PREX1: variants seen among roughly 807,000 people sequenced by gnomAD.
The protein encoded by PREX1 is phosphatidylinositol 3,4,5-trisphosphate-dependent Rac exchanger 1 protein.
In PREX1, 41 loss-of-function variants were observed where a neutral mutation model predicts 198.3. The observed-to-expected ratio is 0.21, with a 90% CI of 0.16 to 0.27. The LOEUF is 0.27. Ranked by LOEUF, PREX1 falls within the 10% of genes least tolerant of loss-of-function variation. The pLI is 1.00. For missense variants in PREX1, 1,620 were observed against 2,200.7 expected (o/e 0.74, Z 5.28); for synonymous variants, 843 against 887.2 (o/e 0.95, Z 0.89).
At chr20:48,841,348 A>C in the PREX1 span, among the ~76,000 whole-genome samples, 1 of 152,234 alleles carries the variant, frequency 6.6e-6, no homozygotes, top group Admixed American at 6.5e-5. Context: ...CTGCTGTTGT[A>C]GCAATAAAGC....
Position 48,639,827 on chromosome 20 carries a change from G to A in PREX1, c.3843C>T (p.Asp1281=), listed in dbSNP as rs773198195. The change falls in exon 30 of 40, where the codon GAC becomes GAT. Residue 1281 remains aspartate (D), a synonymous_variant. Coordinates refer to ENST00000371941, the MANE Select transcript of PREX1 (RefSeq NM_020820.4). ...RSLIQISIQE[D]PWNLPNSIKT... ...TGATGGAGTTGGGGAGGTTCCAGGG[G>A]TCCTCCTGGATGCTAATCTGGATCA... 2 of 1,614,068 alleles carry A rather than the reference G, an allele frequency of 1.2e-6. No homozygotes were observed. The highest frequency in any genetic ancestry group is 1.7e-6 in the Non-Finnish European group (2 of 1,180,000).
Position 48,652,689 on chromosome 20 carries a change from G to C in PREX1, c.2364C>G (p.Ile788Met). The change falls in exon 21 of 40, where the codon ATC becomes ATG. Residue 788 changes from isoleucine (I) to methionine (M), a missense_variant. Ile to Met is a conservative substitution (Grantham distance 10, BLOSUM62 1). Transcript: ENST00000371941. ...CCTGGGCATCCTCATGGGTGTGGTA[G>C]ATCCACTGGTACAGGCCCTGCCAGA... ...REEALGLYQW[I>M]YHTHEDAQEA... 6.2e-7 allele frequency: 1 copy of C among 1,613,076 alleles called. No homozygotes were observed. The highest frequency in any genetic ancestry group is 1.1e-5 in the South Asian group (1 of 90,928).
intron 3 of PREX1, among the ~76,000 whole-genome samples, chr20:48,742,790 T>C (rs2090088355): frequency 6.6e-6 from 1 of 151,410 alleles, no homozygotes; most frequent in African/African-American, 2.4e-5. Flanking sequence ...AAGAGAGAGG[T>C]GAGAATAGCC....
At chr20:48,681,117 AGAAAACACGGCGGCTGCAC>A in intron 11 of PREX1, 99 bp downstream of exon 11, 1 of 901,550 alleles carries the variant, frequency 1.1e-6, no homozygotes. Context: ...CACTGTGCCC[AGAAAACACGGCGGCTGCAC>A]GAAAGGATAG....
chr20:48,706,089 T>C (rs1368213387), intron 6 of PREX1, among the ~76,000 whole-genome samples: 1 of 152,206 alleles, frequency 6.6e-6, no homozygotes, highest in African/African-American at 2.4e-5. Context: ...TTATTTCCTA[T>C]TGCATCCAGC....
At chr20:48,708,463 A>G (rs752869372) in intron 5 of PREX1, 42 bp from the exon 6 acceptor site, 3 of 1,605,716 alleles carry the variant, frequency 1.9e-6, no homozygotes, top group African/African-American at 1.3e-5. Context: ...CAAGACATCA[A>G]TCAATCCAGA....
intron 5 of PREX1, among the ~76,000 whole-genome samples, chr20:48,716,792 G>C (rs2089964331): frequency 6.6e-6 from 1 of 152,162 alleles, no homozygotes; most frequent in African/African-American, 2.4e-5. Flanking sequence ...GCTGGGAAAG[G>C]CATGCTCTCC....
chr20:48,748,457 A>G (rs913999932), intron 1 of PREX1, among the ~76,000 whole-genome samples: 2 of 151,528 alleles, frequency 1.3e-5, no homozygotes, highest in African/African-American at 4.9e-5. Flanking sequence ...AAACAAACAC[A>G]CACACATACA....
intron 3 of PREX1, among the ~76,000 whole-genome samples, chr20:48,744,510 T>C (rs2090098854): frequency 6.6e-6 from 1 of 152,204 alleles, no homozygotes; most frequent in Non-Finnish European, 1.5e-5. Context: ...TCTTCCAGCC[T>C]ACCACCCACA....
chr20:48,640,031 C>T (rs2122854430), intron 29 of PREX1, 137 bp from the exon 30 acceptor site: 2 of 1,192,492 alleles, frequency 1.7e-6, no homozygotes, highest in African/African-American at 1.5e-5. Context: ...GACTCCTGGG[C>T]ATTATCGGGT....
At chr20:48,641,929 AAGGGG>A (rs2089416543) in intron 29 of PREX1, among the ~76,000 whole-genome samples, 1 of 103,550 alleles carries the variant, frequency 9.7e-6, no homozygotes, top group Non-Finnish European at 1.9e-5. Flanking sequence ...GAGGGGAGGG[AAGGGG>A]AGGGGAGGGG....
intron 5 of PREX1, among the ~76,000 whole-genome samples, chr20:48,715,177 GTGCTTGCT>G (rs893753383): frequency 6.6e-6 from 1 of 152,178 alleles, no homozygotes; most frequent in Non-Finnish European, 1.5e-5. Flanking sequence ...AACCCAAGAG[GTGCTTGCT>G]TGCTTGCTTG....
At chr20:48,828,792 A>G (rs1056808323), upstream of PREX1, among the ~76,000 whole-genome samples, 3 of 152,194 alleles carry the variant, frequency 2.0e-5, no homozygotes, top group Non-Finnish European at 2.9e-5. Flanking sequence ...ATCAAGTGGC[A>G]GGTACCCTGC....
At chr20:48,630,880 C>A in intron 35 of PREX1, 86 bp from the exon 36 acceptor site, 2 of 1,003,096 alleles carry the variant, frequency 2.0e-6, no homozygotes, top group Non-Finnish European at 1.6e-6. Flanking sequence ...CTGCAGCCAC[C>A]GTGACTCCGC....
At chr20:48,692,900 G>A in intron 7 of PREX1, 110 bp from the exon 8 acceptor site, 1 of 899,098 alleles carries the variant, frequency 1.1e-6, no homozygotes, top group African/African-American at 1.6e-5. Context: ...GGGACAGAGA[G>A]GAGCCCCAGG....
At chr20:48,737,478 G>C (rs1160425205) in intron 3 of PREX1, among the ~76,000 whole-genome samples, 1 of 152,170 alleles carries the variant, frequency 6.6e-6, no homozygotes, top group African/African-American at 2.4e-5. Context: ...GCGGCCACTG[G>C]CAGAGAGCAG....
At chr20:48,881,313 T>G in the PREX1 span, among the ~76,000 whole-genome samples, 1 of 152,160 alleles carries the variant, frequency 6.6e-6, no homozygotes, top group Non-Finnish European at 1.5e-5. Context: ...CAGCAATAAA[T>G]CCTTTCCAAC....
In PREX1 at chr20:48,653,324, G is replaced by C. The variant is rs1250350754; in HGVS notation, c.2346+37C>G. ...CTCAGCCACCCACCCCCACTCAGCA[G>C]GACTTCTTTGACGGCCCCGGTTTCC... On this transcript the variant is annotated intron_variant, in intron 20 of 39. Coordinates refer to ENST00000371941, the MANE Select transcript of PREX1 (RefSeq NM_020820.4). 1.9e-6 allele frequency: 3 copies of C among 1,603,584 alleles called. No homozygotes were observed. In the African/African-American group the frequency reaches 4.0e-5, roughly 21 times the overall value.
intron 6 of PREX1, among the ~76,000 whole-genome samples, chr20:48,701,710 T>C (rs1423449148): frequency 1.3e-5 from 2 of 152,188 alleles, no homozygotes; most frequent in Non-Finnish European, 2.9e-5. Flanking sequence ...AAATGCAATG[T>C]GCAAACCATC....
Sources: allele counts gnomAD v4.1 joint callset (sites outside exome capture counted in the v4.1 genomes callset), GRCh38; gene constraint gnomAD v4.1.1; transcripts MANE v1.5; gene names NCBI Gene and HGNC (gene_info 2026-07-23, HGNC 2026-07-21).